Variants in CDC42BPG observed in about 807,000 individuals in gnomAD.
The protein encoded by CDC42BPG is CDC42 binding protein kinase gamma, also known as serine/threonine-protein kinase MRCK gamma.
A neutral mutation model predicts 192.2 loss-of-function variants in CDC42BPG; 157 were observed. The observed-to-expected ratio is 0.82, with a 90% CI of 0.72 to 0.93. CDC42BPG has a LOEUF of 0.93. Among genes scored for constraint, CDC42BPG ranks in the 40% least tolerant of loss-of-function variants. The probability of loss-of-function intolerance (pLI) is 0.00; values close to 1 mark genes in which losing one functional copy is unlikely to be tolerated. For missense variants in CDC42BPG, 1,992 were observed against 2,122.1 expected (o/e 0.94, Z 1.20); for synonymous variants, 981 against 918.5 (o/e 1.07, Z -1.23).
At chr11:64,840,411 G>T in intron 4 of CDC42BPG, 142 bp downstream of exon 4, 1 of 1,396,012 alleles carries the variant, frequency 7.2e-7, no homozygotes, top group Non-Finnish European at 9.8e-7. Context: ...TCAGGCAGGA[G>T]GCGCCAAGCC....
Position 64,830,215 on chromosome 11 carries a change from C to CA in CDC42BPG, c.3345dup (p.Val1116CysfsTer106). On this transcript the variant is annotated frameshift_variant, in exon 29 of 37. Transcript: ENST00000342711. LOFTEE classifies it high-confidence loss of function. The stretch of plus-strand genomic sequence containing the variant: ...GTACCGTTGCTGCGCAGATGGATGA[C>CA]AAAGAGCCCCTCCTCGGTGCCAAGC... 6.2e-7 allele frequency: 1 copy of CA among 1,613,480 alleles called. No individual in the cohort carries two copies. Among genetic ancestry groups the CA allele is most frequent in the Non-Finnish European group, 8.5e-7 (1 of 1,179,728 alleles).
rs756069996 is a variant in CDC42BPG, at chr11:64,833,332, C to T, written c.2630G>A (p.Gly877Asp). 5 of 1,507,626 alleles carry T rather than the reference C, an allele frequency of 3.3e-6. No homozygotes were observed. The highest frequency in any genetic ancestry group is 4.5e-6 in the Non-Finnish European group (5 of 1,120,704). 93.4% of individuals were successfully genotyped at this position (1,507,626 alleles called of 1,614,324 possible). ...GCTCCGGGGGCGCAGCGTGTGTGAG[C>T]CGGGCTGGGGAGGGGGACAGCCATT... is the stretch of plus-strand genomic sequence containing the variant. ...ASTEGLPAKP[G>D]SHTLRPRSFP... The change falls in exon 24 of 37, where the codon GGC (glycine) becomes GAC (aspartate). Residue 877 changes from glycine (G) to aspartate (D), a missense_variant. Transcript: ENST00000342711.
At position 64,838,830 on chromosome 11, in the gene CDC42BPG, A is replaced by G. The variant is rs1592718630; in HGVS notation, c.949T>C (p.Cys317Arg). Reference sequence around the variant, plus strand: ...CGGCCTAGCCGCTCTTCCTGGCGACACAGCAGCTGGCGGATCAGGTCTTGG... The same window carrying G: ...CGGCCTAGCCGCTCTTCCTGGCGACGCAGCAGCTGGCGGATCAGGTCTTGG... ...SAQDLIRQLLCRQEERLGRGG... is the reference protein window; with the variant it reads ...SAQDLIRQLLRRQEERLGRGG... The change falls in exon 8 of 37, where the codon TGT (cysteine) becomes CGT (arginine). Residue 317 changes from cysteine (C) to arginine (R), a missense_variant. By Grantham distance (180) the Cys-to-Arg change is radical. Coordinates refer to ENST00000342711, the MANE Select transcript of CDC42BPG (RefSeq NM_017525.3). The G allele has an allele frequency of 6.2e-7, 1 of 1,610,894 alleles. No individual in the cohort carries two copies.
At chr11:64,836,381 C>CCTCACCCAG (rs1408378419) in intron 12 of CDC42BPG, 46 bp downstream of exon 12, 1 of 1,606,104 alleles carries the variant, frequency 6.2e-7, no homozygotes, top group Non-Finnish European at 8.5e-7. Flanking sequence ...CACTCACCCA[C>CCTCACCCAG]CTCACCCACC....
At chr11:64,839,634 C>T in intron 5 of CDC42BPG, 63 bp from the exon 6 acceptor site, 1 of 1,380,810 alleles carries the variant, frequency 7.2e-7, no homozygotes. Flanking sequence ...CATTTAGGCA[C>T]ACGCCCAGGT....
intron 1 of CDC42BPG, 120 bp from the exon 2 acceptor site, chr11:64,842,024 G>A (rs1943303837): frequency 2.6e-6 from 2 of 758,902 alleles, no homozygotes; most frequent in Non-Finnish European, 4.5e-6. Flanking sequence ...CCTCCCCAGG[G>A]ACAGCCTCGG....
chr11:64,831,474 C>A, intron 28 of CDC42BPG, 31 bp downstream of exon 28: 1 of 1,580,344 alleles, frequency 6.3e-7, no homozygotes, highest in Non-Finnish European at 8.7e-7. Context: ...CAGGCCTGAA[C>A]TGCTTCCTCC....
rs756469700 is a variant in CDC42BPG, at chr11:64,830,010, C to A, written c.3428G>T (p.Gly1143Val). Reference sequence around the variant, plus strand: ...GCGGCCACACAGCACGACCAGCAGGCCTGCACTGGGGCTCAAGGTCAGCTG... The same window carrying A: ...GCGGCCACACAGCACGACCAGCAGGACTGCACTGGGGCTCAAGGTCAGCTG... ...VQQLTLSPSAGLLVVLCGRGP... is the reference protein window; with the variant it reads ...VQQLTLSPSAVLLVVLCGRGP... The change falls in exon 30 of 37, where the codon GGC becomes GTC. Residue 1143 changes from glycine to valine, a missense_variant. Gly to Val is a moderately radical substitution (Grantham distance 109). Transcript: ENST00000342711. 1 of 1,612,488 alleles carries A rather than the reference C, an allele frequency of 6.2e-7. No homozygotes were observed. Among genetic ancestry groups the A allele is most frequent in the Non-Finnish European group, 8.5e-7 (1 of 1,179,374 alleles).
intron 28 of CDC42BPG, 67 bp from the exon 29 acceptor site, chr11:64,830,323 C>G: frequency 7.7e-7 from 1 of 1,290,732 alleles, no homozygotes; most frequent in Non-Finnish European, 1.1e-6. Flanking sequence ...TTGGGCAGTC[C>G]ACCTGCCCTG....
chr11:64,829,688 C>T lies in CDC42BPG; in HGVS notation c.3750G>A (p.Pro1250=), dbSNP rs767765838. 157 of 1,611,524 alleles carry T rather than the reference C, an allele frequency of 9.7e-5. No individual in the cohort carries two copies. The highest frequency in any genetic ancestry group is 1.2e-4 in the Non-Finnish European group (140 of 1,179,468). Reference sequence around the variant, plus strand: ...CCAACGGCGCAGCCTCGTTGAGCAGCGGGTAGAGTGCAAAGCCACCGGCGG... The same window carrying T: ...CCAACGGCGCAGCCTCGTTGAGCAGTGGGTAGAGTGCAAAGCCACCGGCGG... ...VGAAGGFALY[P]LLNEAAPLAL... Residue 1250 remains proline, a synonymous_variant, in exon 30 of 37, where the codon CCG becomes CCA. Coordinates refer to ENST00000342711, the MANE Select transcript of CDC42BPG (RefSeq NM_017525.3).
In CDC42BPG at chr11:64,834,640, G is replaced by A. The variant is rs1359530089; in HGVS notation, c.2176-63C>T. On this transcript the variant is annotated intron_variant, in intron 18 of 36. Coordinates refer to ENST00000342711, the MANE Select transcript of CDC42BPG (RefSeq NM_017525.3). ...GGCCTGGCTGCCTCAGGGACCCCCT[G>A]CTACCAGAGCATCCTGCTACCCATG... 8.1e-6 allele frequency: 12 copies of A among 1,472,922 alleles called. No individual in the cohort carries two copies. The South Asian group carries it at 8.3e-5, about 10-fold the overall frequency. 91.2% of individuals were successfully genotyped at this position (1,472,922 alleles called of 1,614,324 possible). A position where few individuals can be genotyped will look rare whatever the true frequency, so the allele number is the denominator to read the frequency against.
At position 64,836,902 on chromosome 11, in the gene CDC42BPG, G is replaced by C. The variant is rs201412216; in HGVS notation, c.1303+20C>G. The stretch of plus-strand genomic sequence containing the variant: ...CCCTAGGGCCAGCACACCCAGGCCC[G>C]GCCCAGCCGCTCCCAGTACCTTGGT... On this transcript the variant is annotated intron_variant, in intron 10 of 36. Transcript: ENST00000342711. 1,758 of 1,612,264 alleles carry C rather than the reference G, an allele frequency of 1.1e-3. 3 individuals are homozygous for C. Among genetic ancestry groups the C allele is most frequent in the Non-Finnish European group, 1.4e-3 (1,679 of 1,178,940 alleles).
intron 3 of CDC42BPG, 78 bp downstream of exon 3, chr11:64,841,572 G>A (rs1283868437): frequency 1.4e-5 from 13 of 932,470 alleles, no homozygotes; most frequent in East Asian, 2.7e-5. Flanking sequence ...CCCCCCCCGC[G>A]CCATAGGCCC....
In CDC42BPG at chr11:64,833,376, C is replaced by T. The variant is rs549592259; in HGVS notation, c.2626-40G>A. 8.8e-6 allele frequency: 10 copies of T among 1,138,072 alleles called. 1 individual carries two copies. The Middle Eastern group carries it at 1.2e-3, about 141-fold the overall frequency. The allele number at this position is 1,138,072 out of a possible 1,614,324, so 70.5% of individuals were successfully genotyped here. A position where few individuals can be genotyped will look rare whatever the true frequency, so the allele number is the denominator to read the frequency against. ...AGCCATTACCCAAGGCCTCCCAGGG[C>T]CCCATGCCCCATCCCTGAGGGGTCA... On this transcript the variant is annotated intron_variant, in intron 23 of 36. Coordinates refer to ENST00000342711, the MANE Select transcript of CDC42BPG (RefSeq NM_017525.3).
chr11:64,835,017 T>TGGCCCCCCCC, intron 17 of CDC42BPG, 30 bp downstream of exon 17: 15 of 1,571,926 alleles, frequency 9.5e-6, no homozygotes, highest in Non-Finnish European at 1.3e-5. Context: ...TCGCCTGCGT[T>TGGCCCCCCCC]CCCCACCCCG....
intron 11 of CDC42BPG, 27 bp downstream of exon 11, chr11:64,836,712 G>GGA: frequency 1.5e-5 from 12 of 797,406 alleles, no homozygotes; most frequent in Non-Finnish European, 2.2e-5. Flanking sequence ...GCCCTGGGGG[G>GGA]GGGGGGGGGG....
intron 27 of CDC42BPG, 58 bp from the exon 28 acceptor site, chr11:64,831,779 C>T: frequency 6.8e-7 from 1 of 1,464,604 alleles, no homozygotes; most frequent in Non-Finnish European, 9.2e-7. Context: ...TCCTCCCTCC[C>T]TTCCTGCCTC....
chr11:64,834,358 G>T lies in CDC42BPG; in HGVS notation c.2325-4C>A. On this transcript the variant is annotated splice_region_variant and splice_polypyrimidine_tract_variant and intron_variant, in intron 19 of 36. Coordinates refer to ENST00000342711, the MANE Select transcript of CDC42BPG (RefSeq NM_017525.3). ...CTTCTCGGCCTCCTGCAGACGGCTG[G>T]GGAGAATGGCAAGGGCTCGCCACTG... The T allele has an allele frequency of 6.4e-7, 1 of 1,568,012 alleles. No individual in the cohort carries two copies. Among genetic ancestry groups the T allele is most frequent in the South Asian group, 1.2e-5 (1 of 85,912 alleles).
At chr11:64,843,489 C>T (rs910468764) in intron 1 of CDC42BPG, among the ~76,000 whole-genome samples, 28 of 152,128 alleles carry the variant, frequency 1.8e-4, no homozygotes, top group African/African-American at 6.5e-4. Flanking sequence ...AGGTGGCAGC[C>T]TCCCCCTCTA....
Sources: allele counts gnomAD v4.1 joint callset (sites outside exome capture counted in the v4.1 genomes callset), GRCh38; gene constraint gnomAD v4.1.1; transcripts MANE v1.5; gene names NCBI Gene and HGNC (gene_info 2026-07-23, HGNC 2026-07-21).